The following ST3GAL2 variants were observed in gnomAD, a reference collection of about 807,000 sequenced individuals.
The protein encoded by ST3GAL2 is CMP-N-acetylneuraminate-beta-galactosamide-alpha-2,3-sialyltransferase 2.
In ST3GAL2, 16 loss-of-function variants were observed where a neutral mutation model predicts 37.5. The ratio of observed to expected loss-of-function variants is 0.43; its 90% CI spans 0.29 to 0.65. The LOEUF is 0.65. Ranked by LOEUF, ST3GAL2 falls within the 30% of genes least tolerant of loss-of-function variation. The pLI is 0.17. For synonymous variants in ST3GAL2, 238 were observed against 202.9 expected, an observed-to-expected ratio of 1.17 and a Z score of -1.47; for missense variants, 383 against 487.8, an observed-to-expected ratio of 0.79 and a Z score of 2.02.
intron 3 of ST3GAL2, chr16:70,393,780 A>G (rs983780957): frequency 8.5e-5 from 13 of 152,162 alleles, no homozygotes; most frequent in Admixed American, 2.0e-4. Context: ...ATTTCCCAAC[A>G]TGAGGAAGGT....
intron 6 of ST3GAL2, among the ~76,000 whole-genome samples, 189 bp from the exon 7 acceptor site, chr16:70,382,051 C>CTT (rs11320527): frequency 7.0e-5 from 9 of 129,288 alleles, no homozygotes; most frequent in South Asian, 2.5e-4. Context: ...CAAATTCCTC[C>CTT]TTTTTTTTTT....
intron 1 of ST3GAL2, among the ~76,000 whole-genome samples, chr16:70,419,348 A>T (rs140680624): frequency 1.0e-3 from 152 of 152,328 alleles, no homozygotes; most frequent in African/African-American, 3.4e-3. Flanking sequence ...TAGGGATGTG[A>T]GAATAGGGGA....
intron 1 of ST3GAL2, among the ~76,000 whole-genome samples, chr16:70,423,759 C>A (rs1455369152): frequency 6.7e-6 from 1 of 149,294 alleles, no homozygotes; most frequent in African/African-American, 2.5e-5. Flanking sequence ...TCACCACAAC[C>A]TCCACCTCCT....
At position 70,402,285 on chromosome 16, in the gene ST3GAL2, A is replaced by C. The variant is rs932455549; in HGVS notation, c.-1003-2752T>G. ...GCAACAAGAGCGAAACTATTTCTCAAAAAAAAAAAAAAAAAAAAAAAAAGA... is the reference window on the plus strand; with the variant it reads ...GCAACAAGAGCGAAACTATTTCTCACAAAAAAAAAAAAAAAAAAAAAAAGA... On this transcript the variant is annotated intron_variant, in intron 1 of 6. Transcript: ENST00000342907. Among the ~76,000 whole-genome samples the C allele has an allele frequency of 3.7e-4, 54 of 145,032 alleles. No individual in the cohort carries two copies. In the South Asian group the frequency reaches 5.9e-3, roughly 16 times the overall value.
intron 3 of ST3GAL2, 101 bp downstream of exon 3, chr16:70,394,881 C>G: frequency 7.3e-7 from 1 of 1,371,018 alleles, no homozygotes; most frequent in East Asian, 2.4e-5. Flanking sequence ...CACAGCACAC[C>G]GGTAGCTGGC....
intron 1 of ST3GAL2, among the ~76,000 whole-genome samples, chr16:70,413,560 CA>C (rs978301918): frequency 0.038 from 1,231 of 32,070 alleles, 4 homozygotes; most frequent in Non-Finnish European, 0.094. Flanking sequence ...ATCAAAAATA[CA>C]AAAAAAAAAA....
intron 1 of ST3GAL2, among the ~76,000 whole-genome samples, chr16:70,429,914 G>C (rs1466964938): frequency 1.3e-5 from 2 of 152,134 alleles, no homozygotes; most frequent in South Asian, 4.1e-4. Flanking sequence ...GGCTTAGAGA[G>C]GGGTAATGAC....
rs1453713184 is a variant in ST3GAL2 at position 70,399,507 on chromosome 16, C to T, written c.-977G>A. 3 of 398,264 alleles carry T rather than the reference C, an allele frequency of 7.5e-6. No individual in the cohort carries two copies. Among genetic ancestry groups the T allele is most frequent in the African/African-American group, 2.1e-5 (1 of 48,610 alleles). The allele number at this position is 398,264 out of a possible 1,614,324, so 24.7% of individuals were successfully genotyped here. ...CCCTGGCAGGTTCCCCTTCACATGT[C>T]GGGCGCCAGGCTGCCGCAGCACGAC... is the stretch of plus-strand genomic sequence containing the variant. On this transcript the variant is annotated 5_prime_UTR_variant, in exon 2 of 7. Transcript: ENST00000342907.
intron 1 of ST3GAL2, among the ~76,000 whole-genome samples, chr16:70,430,739 C>A (rs1421437240): frequency 6.6e-6 from 1 of 152,128 alleles, no homozygotes; most frequent in African/African-American, 2.4e-5. Context: ...TCTGGCAACC[C>A]GAACCCAGGA....
Position 70,380,159 on chromosome 16 carries a change from A to C in ST3GAL2, c.*1530T>G, listed in dbSNP as rs572750282. 6.6e-6 allele frequency: 1 copy of C among 151,950 alleles called. No individual in the cohort carries two copies. The highest frequency in any genetic ancestry group is 1.5e-5 in the Non-Finnish European group (1 of 67,986). 9.4% of individuals were successfully genotyped at this position (151,950 alleles called of 1,614,324 possible). A position where few individuals can be genotyped will look rare whatever the true frequency, so the allele number is the denominator to read the frequency against. ...TACTAACCCCACCCCAATCACCCCT[A>C]TTTTTACTCTTTCTACTTTCGGAAT... On this transcript the variant is annotated 3_prime_UTR_variant, in exon 7 of 7. Coordinates refer to ENST00000342907, the MANE Select transcript of ST3GAL2 (RefSeq NM_006927.4).
chr16:70,395,022 C>T lies in ST3GAL2; in HGVS notation c.493G>A (p.Gly165Ser). Reference protein sequence around the residue: ...VGNSGNLRGSGYGQDVDGHNF... With the variant: ...VGNSGNLRGSSYGQDVDGHNF... ...TGCCCGTCCACGTCCTGCCCATAGC[C>T]AGAGCCCCGCAGGTTGCCCGAGTTC... Residue 165 changes from glycine (G) to serine (S), a missense_variant, in exon 3 of 7, where the codon GGC (glycine) becomes AGC (serine). By Grantham distance (56) the Gly-to-Ser change is moderately conservative. Around this residue, in one of 2 missense-constraint regions of ST3GAL2, gnomAD observed 223 missense variants for 239.1 expected, o/e 0.93. Transcript: ENST00000342907. 6.2e-7 allele frequency: 1 copy of T among 1,613,948 alleles called. No individual in the cohort carries two copies. The highest frequency in any genetic ancestry group is 1.1e-5 in the South Asian group (1 of 91,070).
chr16:70,397,752 AATT>A (rs2047526820), intron 2 of ST3GAL2, among the ~76,000 whole-genome samples: 1 of 152,152 alleles, frequency 6.6e-6, no homozygotes, highest in South Asian at 2.1e-4. Context: ...AATAAAAAAC[AATT>A]ATTTTGAGCC....
chr16:70,395,303 T>C, intron 2 of ST3GAL2, 128 bp from the exon 3 acceptor site: 1 of 869,732 alleles, frequency 1.1e-6, no homozygotes, highest in East Asian at 2.8e-5. Context: ...TCCAGGGCTC[T>C]GCCAGGGAAC....
chr16:70,415,629 T>A (rs1244381822), intron 1 of ST3GAL2, among the ~76,000 whole-genome samples: 1 of 150,572 alleles, frequency 6.6e-6, no homozygotes, highest in African/African-American at 2.4e-5. Context: ...CTTTTCTATT[T>A]TTAGTAGAGA....
intron 4 of ST3GAL2, among the ~76,000 whole-genome samples, chr16:70,387,732 C>T (rs866048839): frequency 9.9e-5 from 15 of 152,134 alleles, no homozygotes; most frequent in South Asian, 6.2e-4. Flanking sequence ...CCATGGTTCC[C>T]GGCTATGATG....
intron 1 of ST3GAL2, among the ~76,000 whole-genome samples, chr16:70,401,994 C>CAAAAAAAAA (rs749422742): frequency 1.7e-5 from 1 of 60,200 alleles, no homozygotes; most frequent in Non-Finnish European, 3.0e-5. Context: ...AACTCTGCCT[C>CAAAAAAAAA]AAAAAAAAAA....
chr16:70,412,411 C>T (rs79077308), intron 1 of ST3GAL2, among the ~76,000 whole-genome samples: 1 of 152,000 alleles, frequency 6.6e-6, no homozygotes, highest in African/African-American at 2.4e-5. Flanking sequence ...TGGGAGACCA[C>T]GGTGGGCAGG....
rs996219409 is a variant in ST3GAL2, at chr16:70,432,860, G to A, written c.-1004+6089C>T. Among the ~76,000 whole-genome samples the A allele has an allele frequency of 5.3e-5, 8 of 152,202 alleles. No homozygotes were observed. In the East Asian group the frequency reaches 5.8e-4, roughly 11 times the overall value. ...ACTGAAAGCACAGAAGGGGAAGGAG[G>A]AGAAGCCCATCCCGGGCTGCATGTG... On this transcript the variant is annotated intron_variant, in intron 1 of 6. Transcript: ENST00000342907.
intron 4 of ST3GAL2, among the ~76,000 whole-genome samples, chr16:70,385,100 T>C (rs1008434642): frequency 1.3e-5 from 2 of 151,766 alleles, no homozygotes; most frequent in African/African-American, 4.8e-5. Flanking sequence ...GGTCAGGAGA[T>C]CGAGACCATC....
Sources: gnomAD v4.1 joint callset for allele counts (sites outside exome capture counted in the v4.1 genomes callset) on GRCh38, gnomAD v4.1.1 for gene constraint, gnomAD v4.1.1 regional missense constraint, MANE v1.5 for transcripts, NCBI Gene and HGNC (gene_info 2026-07-23, HGNC 2026-07-21) for gene names.